The following C5AR1 variants were observed in gnomAD, a reference collection of about 807,000 sequenced individuals.
C5AR1 encodes the protein C5a anaphylatoxin chemotactic receptor 1.
A neutral mutation model predicts 2.4 loss-of-function variants in C5AR1; 4 were observed. That is an observed-to-expected ratio of 1.65 (90% CI 0.81 to 3.77). C5AR1 has a LOEUF of 3.77. C5AR1 is among the 30% of genes most tolerant of loss of function. The pLI, the probability that C5AR1 is intolerant of heterozygous loss-of-function variation, is 0.01. For synonymous variants in C5AR1, 209 were observed against 210.4 expected, an observed-to-expected ratio of 0.99 and a Z score of 0.06; for missense variants, 418 against 462.5, an observed-to-expected ratio of 0.90 and a Z score of 0.88.
chr19:47,314,695 G>A (rs977053199), intron 1 of C5AR1, among the ~76,000 whole-genome samples: 3 of 150,274 alleles, frequency 2.0e-5, no homozygotes, highest in African/African-American at 7.4e-5. Flanking sequence ...ACCGTGTCCA[G>A]CCTATTTTAT....
chr19:47,314,904 G>T (rs2059281247), intron 1 of C5AR1, among the ~76,000 whole-genome samples: 2 of 152,056 alleles, frequency 1.3e-5, no homozygotes, highest in South Asian at 4.1e-4. Context: ...ATGTTGGCCA[G>T]TCTGGGCTTG....
At chr19:47,310,697 A>G (rs188128183) in intron 1 of C5AR1, among the ~76,000 whole-genome samples, 18 of 152,220 alleles carry the variant, frequency 1.2e-4, no homozygotes, top group Admixed American at 2.6e-4. Context: ...GGTTCTTGCT[A>G]TGTTGTCAGG....
chr19:47,313,027 G>A (rs1054863175), intron 1 of C5AR1, among the ~76,000 whole-genome samples: 3 of 152,002 alleles, frequency 2.0e-5, no homozygotes, highest in African/African-American at 7.3e-5. Flanking sequence ...CAGCCTGGAG[G>A]GCAGTGGTGC....
chr19:47,315,852 C>T (rs994455637), intron 1 of C5AR1, among the ~76,000 whole-genome samples: 11 of 152,134 alleles, frequency 7.2e-5, no homozygotes, highest in African/African-American at 2.2e-4. Flanking sequence ...TTCAAACTTA[C>T]GGAAAAATGA....
rs201835088 is a variant in C5AR1, at chr19:47,320,553, A to T, written c.776A>T (p.Gln259Leu). The change falls in exon 2 of 2, where the codon CAG becomes CTG. Residue 259 changes from glutamine to leucine, a missense_variant. Physicochemically the swap from Gln to Leu is moderately radical, Grantham distance 113 (BLOSUM62 -2). Coordinates refer to ENST00000355085, the MANE Select transcript of C5AR1 (RefSeq NM_001736.4). The surrounding 1 kb of genome is among the most constrained non-coding windows in gnomAD (Gnocchi z 4.9). ...TTCTTTATCTTCTGGTTGCCCTACCAGGTGACGGGGATAATGATGTCCTTC... is the reference window on the plus strand; with the variant it reads ...TTCTTTATCTTCTGGTTGCCCTACCTGGTGACGGGGATAATGATGTCCTTC... ...ASFFIFWLPY[Q>L]VTGIMMSFLE... 116 of 1,613,690 alleles carry T rather than the reference A, an allele frequency of 7.2e-5. 1 individual carries two copies. Among genetic ancestry groups the T allele is most frequent in the Non-Finnish European group, 9.2e-5 (109 of 1,179,970 alleles).
intron 1 of C5AR1, among the ~76,000 whole-genome samples, chr19:47,312,898 CTTTT>C (rs986850498): frequency 7.9e-5 from 12 of 152,172 alleles, no homozygotes; most frequent in East Asian, 5.8e-4. Flanking sequence ...TTCTTTCTTT[CTTTT>C]ATCAGCTGAG....
chr19:47,308,331 T>C (rs896894708), upstream of C5AR1, among the ~76,000 whole-genome samples: 6 of 150,842 alleles, frequency 4.0e-5, no homozygotes, highest in Non-Finnish European at 5.9e-5. Context: ...CTGTATCCCA[T>C]CACCCCCAGA....
chr19:47,319,880 G>A lies in C5AR1; in HGVS notation c.103G>A (p.Val35Ile). 1 of 1,614,238 alleles carries A rather than the reference G, an allele frequency of 6.2e-7. No homozygotes were observed. Among genetic ancestry groups the A allele is most frequent in the Non-Finnish European group, 8.5e-7 (1 of 1,180,030 alleles). Residue 35 changes from valine to isoleucine, a missense_variant, in exon 2 of 2, where the codon GTT becomes ATT. Physicochemically the swap from Val to Ile is conservative, Grantham distance 29 (BLOSUM62 3). Transcript: ENST00000355085. ...GGATAAAACTTCTAACACGCTGCGT[G>A]TTCCAGACATCCTGGCCTTGGTCAT... ...PVDKTSNTLR[V>I]PDILALVIFA...
chr19:47,313,700 C>T (rs1269965384), intron 1 of C5AR1, among the ~76,000 whole-genome samples: 4 of 151,352 alleles, frequency 2.6e-5, no homozygotes, highest in South Asian at 2.1e-4. Flanking sequence ...GCTGAGATCG[C>T]GCCACTGCAC....
At chr19:47,310,021 C>A (rs1461401072) in intron 1 of C5AR1, 123 bp downstream of exon 1, 1 of 989,758 alleles carries the variant, frequency 1.0e-6, no homozygotes, top group East Asian at 2.8e-5. Context: ...CCCTTTCCTT[C>A]TCTCTCCCTG....
At chr19:47,312,348 A>G (rs892536800) in intron 1 of C5AR1, among the ~76,000 whole-genome samples, 2 of 152,304 alleles carry the variant, frequency 1.3e-5, no homozygotes, top group Middle Eastern at 3.4e-3. Context: ...GGCCTCCCAA[A>G]GTGCTGGGAT....
At position 47,321,649 on chromosome 19, in the gene C5AR1, C is replaced by T. The variant is rs2059311387; in HGVS notation, c.*819C>T. On this transcript the variant is annotated 3_prime_UTR_variant, in exon 2 of 2. Transcript: ENST00000355085. ...ACAAAAACAAAAACACCTAAAAAACCTGCAGTTTTGTTTGTACTTTGTTTT... is the reference window on the plus strand; with the variant it reads ...ACAAAAACAAAAACACCTAAAAAACTTGCAGTTTTGTTTGTACTTTGTTTT... 6.6e-6 allele frequency: 1 copy of T among 152,042 alleles called. No homozygotes were observed. The highest frequency in any genetic ancestry group is 1.5e-5 in the Non-Finnish European group (1 of 68,008). The allele number at this position is 152,042 out of a possible 1,614,324, so 9.4% of individuals were successfully genotyped here. A position where few individuals can be genotyped will look rare whatever the true frequency, so the allele number is the denominator to read the frequency against.
intron 1 of C5AR1, among the ~76,000 whole-genome samples, chr19:47,318,203 T>G (rs547142762): frequency 1.3e-5 from 2 of 152,118 alleles, no homozygotes; most frequent in African/African-American, 4.8e-5. Context: ...CCAGCCCGTA[T>G]GGGTTCACAT....
chr19:47,308,561 T>A (rs1399580933), upstream of C5AR1, among the ~76,000 whole-genome samples: 1 of 151,646 alleles, frequency 6.6e-6, no homozygotes, highest in Non-Finnish European at 1.5e-5. Flanking sequence ...TCTTTTCTTT[T>A]TTTTTTTTTT....
rs200581560 is a variant in C5AR1 at position 47,320,065 on chromosome 19, T to C, written c.288T>C (p.Ile96=). ...CLALPILFTS[I]VQHHHWPFGG... Reference sequence around the variant, plus strand: ...CGCTGCCCATCTTGTTCACGTCCATTGTACAGCATCACCACTGGCCCTTTG... The same window carrying C: ...CGCTGCCCATCTTGTTCACGTCCATCGTACAGCATCACCACTGGCCCTTTG... Residue 96 remains isoleucine, a synonymous_variant, in exon 2 of 2, where the codon ATT becomes ATC. Coordinates refer to ENST00000355085, the MANE Select transcript of C5AR1 (RefSeq NM_001736.4). This position sits in a 1 kb window ranked among gnomAD's most constrained non-coding sequence, Gnocchi z 4.9. 3.1e-6 allele frequency: 5 copies of C among 1,614,200 alleles called. No homozygotes were observed. The South Asian group carries it at 4.4e-5, about 14-fold the overall frequency.
rs1460524876 is a variant in C5AR1, at chr19:47,321,062, C to T, written c.*232C>T. 4.1e-6 allele frequency: 1 copy of T among 242,324 alleles called. No individual in the cohort carries two copies. Among genetic ancestry groups the T allele is most frequent in the East Asian group, 7.6e-5 (1 of 13,088 alleles). 15.0% of individuals were successfully genotyped at this position (242,324 alleles called of 1,614,324 possible). A position where few individuals can be genotyped will look rare whatever the true frequency, so the allele number is the denominator to read the frequency against. On this transcript the variant is annotated 3_prime_UTR_variant, in exon 2 of 2. Coordinates refer to ENST00000355085, the MANE Select transcript of C5AR1 (RefSeq NM_001736.4). The stretch of plus-strand genomic sequence containing the variant: ...GGGAGCACCCTCCCACCCCCCACCC[C>T]CCCCACACACACCATCTTTCCATCC...
chr19:47,316,662 T>C (rs2122136426), intron 1 of C5AR1: 1 of 152,256 alleles, frequency 6.6e-6, no homozygotes, highest in South Asian at 2.1e-4. Flanking sequence ...GCATCATGTT[T>C]TCAAGATTCA....
Position 47,319,946 on chromosome 19 carries a change from CT to C in C5AR1, c.170del (p.Leu57ArgfsTer5). ...CCTGGTGGGAGTGCTGGGCAATGCCCTGGTGGTCTGGGTGACGGCATTCGAG... is the reference window on the plus strand; with the variant it reads ...CCTGGTGGGAGTGCTGGGCAATGCCCGGTGGTCTGGGTGACGGCATTCGAG... Reference protein sequence around the residue: ...VFLVGVLGNALVVWVTAFEAK... With the variant: ...VFLVGVLGNAXVVWVTAFEAK... On this transcript the variant is annotated frameshift_variant, in exon 2 of 2. Coordinates refer to ENST00000355085, the MANE Select transcript of C5AR1 (RefSeq NM_001736.4). LOFTEE classifies it low-confidence loss of function (END_TRUNC). 1 of 1,614,230 alleles carries C rather than the reference CT, an allele frequency of 6.2e-7. No homozygotes were observed. The highest frequency in any genetic ancestry group is 2.2e-5 in the East Asian group (1 of 44,876).
chr19:47,312,352 C>T (rs1397042111), intron 1 of C5AR1, among the ~76,000 whole-genome samples: 1 of 152,212 alleles, frequency 6.6e-6, no homozygotes, highest in Admixed American at 6.5e-5. Context: ...TCCCAAAGTG[C>T]TGGGATTACA....
Sources: allele counts gnomAD v4.1 joint callset (sites outside exome capture counted in the v4.1 genomes callset), GRCh38; gene constraint gnomAD v4.1.1; non-coding constraint Gnocchi (gnomAD v3.1); transcripts MANE v1.5; gene names NCBI Gene and HGNC (gene_info 2026-07-23, HGNC 2026-07-21).